Variants in PAPPA2 observed in about 807,000 individuals in gnomAD.
The protein encoded by PAPPA2 is pappalysin 2.
In PAPPA2, 86 loss-of-function variants were observed where a neutral mutation model predicts 176.4. That is an observed-to-expected ratio of 0.49 (90% CI 0.41 to 0.58). The LOEUF is 0.58. PAPPA2 is among the 20% of genes least tolerant of loss of function. The pLI, the probability that PAPPA2 is intolerant of heterozygous loss-of-function variation, is 0.00. For synonymous variants in PAPPA2, 809 were observed against 852.2 expected (o/e 0.95, Z 0.88); for missense variants, 2,073 against 2,256.9 (o/e 0.92, Z 1.65).
At chr1:176,790,371 G>T (rs1665121197) in intron 18 of PAPPA2, among the ~76,000 whole-genome samples, 1 of 152,170 alleles carries the variant, frequency 6.6e-6, no homozygotes, top group Admixed American at 6.5e-5. Flanking sequence ...AGCTGGAAGT[G>T]CTGTTTGACT....
intron 8 of PAPPA2, among the ~76,000 whole-genome samples, chr1:176,700,059 G>GT (rs1660579908): frequency 6.6e-6 from 1 of 152,174 alleles, no homozygotes; most frequent in South Asian, 2.1e-4. Context: ...CATGATATGA[G>GT]TTTCATTCTT....
chr1:176,498,246 G>T (rs566092839), intron 1 of PAPPA2, among the ~76,000 whole-genome samples: 1 of 151,636 alleles, frequency 6.6e-6, no homozygotes, highest in African/African-American at 2.4e-5. Context: ...CCTTTTCCTC[G>T]GGGCATAGCA....
In PAPPA2 at chr1:176,595,545, C is replaced by G; in HGVS notation, c.1941C>G (p.Pro647=). The G allele has an allele frequency of 6.2e-7, 1 of 1,614,126 alleles. No homozygotes were observed. The highest frequency in any genetic ancestry group is 8.5e-7 in the Non-Finnish European group (1 of 1,180,022). ...NDFDDGDCCD[P]QVADVRKTCF... ...TTGACGACGGAGACTGCTGCGACCCCCAGGTGGCTGATGTGCGCAAGACCT... is the reference window on the plus strand; with the variant it reads ...TTGACGACGGAGACTGCTGCGACCCGCAGGTGGCTGATGTGCGCAAGACCT... Residue 647 remains proline, a synonymous_variant, in exon 3 of 23, where the codon CCC becomes CCG. Transcript: ENST00000367662.
chr1:176,514,939 G>A lies in PAPPA2; in HGVS notation c.-916-40468G>A, dbSNP rs75529432. Among the ~76,000 whole-genome samples the A allele has an allele frequency of 2.0e-3, 306 of 152,124 alleles. 3 individuals are homozygous for A. Among genetic ancestry groups the A allele is most frequent in the African/African-American group, 7.0e-3 (291 of 41,486 alleles). ...CTTATTCAGTGTTTACATCTCTATC[G>A]AGCTCCTAGTGTATATTAAGCATTG... is the stretch of plus-strand genomic sequence containing the variant. On this transcript the variant is annotated intron_variant, in intron 1 of 22. Coordinates refer to ENST00000367662, the MANE Select transcript of PAPPA2 (RefSeq NM_020318.3).
chr1:176,741,993 T>C (rs1662700483), intron 14 of PAPPA2, among the ~76,000 whole-genome samples: 1 of 152,212 alleles, frequency 6.6e-6, no homozygotes, highest in Admixed American at 6.5e-5. Context: ...CCTTCTAATC[T>C]TTCTTCACTT....
In PAPPA2 at chr1:176,782,157, C is replaced by T. The variant is rs188761997; in HGVS notation, c.4716-7652C>T. Among the ~76,000 whole-genome samples the T allele has an allele frequency of 3.3e-5, 5 of 152,284 alleles. No individual in the cohort carries two copies. The East Asian group carries it at 5.8e-4, about 18-fold the overall frequency. ...CATGAGACTCATCATAGTGCACATC[C>T]CTGCTCTGCCATCAACCAATTAGAT... On this transcript the variant is annotated intron_variant, in intron 17 of 22. Transcript: ENST00000367662.
At chr1:176,470,506 A>G (rs1651821209) in intron 1 of PAPPA2, among the ~76,000 whole-genome samples, 1 of 152,154 alleles carries the variant, frequency 6.6e-6, no homozygotes, top group Non-Finnish European at 1.5e-5. Flanking sequence ...TTCTCAATCC[A>G]GGGGAGAGGA....
intron 17 of PAPPA2, among the ~76,000 whole-genome samples, chr1:176,781,365 C>CTTTTTTTTTT (rs35029858): frequency 4.3e-4 from 20 of 46,240 alleles, no homozygotes; most frequent in East Asian, 9.0e-4. Context: ...TTGTAAGGGG[C>CTTTTTTTTTT]TTTTTTTTTT....
chr1:176,646,219 G>C (rs964389332), intron 3 of PAPPA2, among the ~76,000 whole-genome samples: 2 of 151,380 alleles, frequency 1.3e-5, no homozygotes, highest in African/African-American at 4.8e-5. Flanking sequence ...TAGTTTCATA[G>C]TCTTAGGTCT....
At chr1:176,674,609 G>A (rs192289573) in intron 4 of PAPPA2, among the ~76,000 whole-genome samples, 3 of 152,118 alleles carry the variant, frequency 2.0e-5, no homozygotes, top group Admixed American at 6.5e-5. Flanking sequence ...TTTTATGGCT[G>A]AGTAGTATTC....
chr1:176,775,120 A>C (rs900459008), intron 17 of PAPPA2, among the ~76,000 whole-genome samples: 1 of 152,052 alleles, frequency 6.6e-6, no homozygotes, highest in Non-Finnish European at 1.5e-5. Context: ...TGTACACCAA[A>C]CTTCTCTGAT....
intron 9 of PAPPA2, among the ~76,000 whole-genome samples, chr1:176,703,245 A>G (rs1304523373): frequency 3.9e-5 from 6 of 152,212 alleles, no homozygotes; most frequent in Non-Finnish European, 8.8e-5. Flanking sequence ...TGATAACAAT[A>G]TAATTTCCAG....
At chr1:176,564,760 G>A (rs1389996825) in intron 2 of PAPPA2, among the ~76,000 whole-genome samples, 1 of 128,908 alleles carries the variant, frequency 7.8e-6, no homozygotes, top group Non-Finnish European at 1.6e-5. Flanking sequence ...ATACTGAGAT[G>A]TAACTTATCT....
At chr1:176,656,831 A>G (rs1658064299) in intron 3 of PAPPA2, among the ~76,000 whole-genome samples, 1 of 151,658 alleles carries the variant, frequency 6.6e-6, no homozygotes, top group African/African-American at 2.4e-5. Flanking sequence ...GACAGCATAC[A>G]TGCACTAAAC....
rs759216117 is a variant in PAPPA2 at position 176,710,197 on chromosome 1, A to G, written c.3651+21A>G. The G allele has an allele frequency of 4.4e-6, 7 of 1,609,116 alleles. No individual in the cohort carries two copies. In the African/African-American group the frequency reaches 9.4e-5, roughly 22 times the overall value. On this transcript the variant is annotated intron_variant, in intron 11 of 22. Transcript: ENST00000367662. Reference sequence around the variant, plus strand: ...CCCTAGTAAGTTAAGCCAGATGAATAGAGTCGAGCCTGCGCAAAATTGTAA... The same window carrying G: ...CCCTAGTAAGTTAAGCCAGATGAATGGAGTCGAGCCTGCGCAAAATTGTAA...
chr1:176,489,919 G>A (rs1652816386), intron 1 of PAPPA2, among the ~76,000 whole-genome samples: 1 of 152,056 alleles, frequency 6.6e-6, no homozygotes, highest in Non-Finnish European at 1.5e-5. Flanking sequence ...CCTAGCATGT[G>A]GTATATATTC....
chr1:176,732,877 G>A (rs1264780287), intron 12 of PAPPA2, among the ~76,000 whole-genome samples: 1 of 152,192 alleles, frequency 6.6e-6, no homozygotes, highest in African/African-American at 2.4e-5. Flanking sequence ...CTATGGAGCA[G>A]TACTGGTCCG....
intron 8 of PAPPA2, among the ~76,000 whole-genome samples, chr1:176,701,456 G>A (rs114086909): frequency 0.013 from 2,021 of 152,216 alleles, 19 homozygotes; most frequent in Middle Eastern, 0.034. Context: ...AGAAATATCT[G>A]GCATTCTCAT....
rs190693418 is a variant in PAPPA2 at position 176,467,863 on chromosome 1, A to T, written c.-917+4445A>T. 1.1e-3 allele frequency among the ~76,000 whole-genome samples: 166 copies of T among 152,274 alleles called. 1 individual carries two copies. Among genetic ancestry groups the T allele is most frequent in the Non-Finnish European group, 4.3e-4 (29 of 68,018 alleles). On this transcript the variant is annotated intron_variant, in intron 1 of 22. Coordinates refer to ENST00000367662, the MANE Select transcript of PAPPA2 (RefSeq NM_020318.3). ...TGTGGAGCCACTACAATGTACCAGG[A>T]ACTGTGTTAGGTGCTGAAAATGCAG...
Sources: allele counts gnomAD v4.1 joint callset (sites outside exome capture counted in the v4.1 genomes callset), GRCh38; gene constraint gnomAD v4.1.1; transcripts MANE v1.5; gene names NCBI Gene and HGNC (gene_info 2026-07-23, HGNC 2026-07-21).